CYFIP2: variants seen among roughly 807,000 people sequenced by gnomAD.
CYFIP2 encodes cytoplasmic FMR1 interacting protein 2.
CYFIP2 carries 29 observed loss-of-function variants against 158.7 expected under a neutral mutation model. The observed-to-expected ratio is 0.18, with a 90% CI of 0.14 to 0.25. CYFIP2 has a LOEUF of 0.25. Ranked by LOEUF, CYFIP2 falls within the 10% of genes least tolerant of loss-of-function variation. The pLI is 1.00. For synonymous variants in CYFIP2, 585 were observed against 617.6 expected (o/e 0.95, Z 0.78); for missense variants, 852 against 1,639.5 (o/e 0.52, Z 8.29).
At chr5:157,300,999 C>A in intron 6 of CYFIP2, 103 bp downstream of exon 6, 1 of 1,049,190 alleles carries the variant, frequency 9.5e-7, no homozygotes, top group Non-Finnish European at 1.3e-6. Context: ...CCTGCTTTTT[C>A]TTTGATACCA....
At position 157,336,275 on chromosome 5, in the gene CYFIP2, C is replaced by A. The variant is rs1288274127; in HGVS notation, c.2386-2782C>A. ...CACAGCTGAGCAAACAGAGTCTCAG[C>A]AAGACCCGATGCTGAAGTTGAGAAC... On this transcript the variant is annotated intron_variant, in intron 21 of 30. Coordinates refer to ENST00000620254, the MANE Select transcript of CYFIP2 (RefSeq NM_001037333.3). Among the ~76,000 whole-genome samples the A allele has an allele frequency of 3.9e-5, 6 of 152,316 alleles. No individual in the cohort carries two copies. The South Asian group carries it at 1.2e-3, about 32-fold the overall frequency.
intron 15 of CYFIP2, 108 bp downstream of exon 15, chr5:157,320,910 G>A: frequency 7.3e-7 from 1 of 1,363,460 alleles, no homozygotes; most frequent in Middle Eastern, 2.6e-4. Context: ...CGTCGGTCAG[G>A]AGGGGCAGGG....
rs1033609290 is a variant in CYFIP2, at chr5:157,325,463, C to T, written c.1826-19C>T. The T allele has an allele frequency of 3.2e-6, 5 of 1,582,108 alleles. No homozygotes were observed. In the African/African-American group the frequency reaches 4.1e-5, roughly 13 times the overall value. On this transcript the variant is annotated intron_variant, in intron 16 of 30. Transcript: ENST00000620254. ...TTAGTTCTAAAAGTAACCAAAGGCT[C>T]GTTCCCTTATGCTTTCAGAAGCCCT... is the stretch of plus-strand genomic sequence containing the variant.
chr5:157,281,509 C>G (rs188294990), intron 1 of CYFIP2, among the ~76,000 whole-genome samples: 11 of 152,278 alleles, frequency 7.2e-5, no homozygotes, highest in Non-Finnish European at 1.5e-4. Context: ...ACAGGCTCAT[C>G]TAACAGTAAC....
At chr5:157,384,367 G>C (rs1393218986) in intron 28 of CYFIP2, 2 of 456,552 alleles carry the variant, frequency 4.4e-6, no homozygotes, top group Non-Finnish European at 8.8e-6. Flanking sequence ...GAGAAACAGG[G>C]TATTCTAGTG....
chr5:157,309,812 C>A lies in CYFIP2; in HGVS notation c.970C>A (p.His324Asn). The A allele has an allele frequency of 6.2e-7, 1 of 1,601,898 alleles. No individual in the cohort carries two copies. The highest frequency in any genetic ancestry group is 2.3e-5 in the East Asian group (1 of 44,394). The change falls in exon 10 of 31, where the codon CAC becomes AAC. Residue 324 changes from histidine to asparagine, a missense_variant. His to Asn is a moderately conservative substitution (Grantham distance 68). Coordinates refer to ENST00000620254, the MANE Select transcript of CYFIP2 (RefSeq NM_001037333.3). ...ELARYIKTSAHYEENKSKWTC... is the reference protein window; with the variant it reads ...ELARYIKTSANYEENKSKWTC... ...GGCCAGATACATTAAGACCAGTGCTCACTATGAAGAGAACAAGTCCAAGTG... is the reference window on the plus strand; with the variant it reads ...GGCCAGATACATTAAGACCAGTGCTAACTATGAAGAGAACAAGTCCAAGTG...
At chr5:157,310,259 G>A (rs928908415) in intron 10 of CYFIP2, among the ~76,000 whole-genome samples, 3 of 152,152 alleles carry the variant, frequency 2.0e-5, no homozygotes, top group Admixed American at 6.5e-5. Context: ...CCTCACCTTC[G>A]GCCGCTTTAT....
intron 21 of CYFIP2, among the ~76,000 whole-genome samples, chr5:157,338,201 A>T (rs1303783904): frequency 2.0e-5 from 3 of 152,044 alleles, no homozygotes; most frequent in Admixed American, 2.0e-4. Context: ...GTGTGCAGAT[A>T]CTCTGTCCCA....
At chr5:157,332,609 G>A (rs571598057) in intron 20 of CYFIP2, among the ~76,000 whole-genome samples, 10 of 152,148 alleles carry the variant, frequency 6.6e-5, no homozygotes, top group South Asian at 2.1e-4. Flanking sequence ...GTTTCTTATC[G>A]GTGCATGCAC....
At chr5:157,347,918 C>T (rs1159732843) in intron 23 of CYFIP2, among the ~76,000 whole-genome samples, 2 of 152,204 alleles carry the variant, frequency 1.3e-5, no homozygotes, top group African/African-American at 2.4e-5. Flanking sequence ...GGGTTCATCC[C>T]GCTCCTCTGA....
At chr5:157,330,618 T>C (rs1182444177) in intron 19 of CYFIP2, 124 bp from the exon 20 acceptor site, 4 of 680,536 alleles carry the variant, frequency 5.9e-6, no homozygotes, top group Non-Finnish European at 9.7e-6. Flanking sequence ...GAAAACAATT[T>C]TACTTAAGTT....
At chr5:157,358,811 A>C (rs1269958701) in intron 23 of CYFIP2, among the ~76,000 whole-genome samples, 194 bp from the exon 24 acceptor site, 2 of 152,108 alleles carry the variant, frequency 1.3e-5, no homozygotes, top group East Asian at 3.9e-4. Flanking sequence ...CCATCTGGTG[A>C]CTGTGCGCCA....
chr5:157,284,669 A>G (rs1757237111), intron 1 of CYFIP2, among the ~76,000 whole-genome samples: 1 of 152,228 alleles, frequency 6.6e-6, no homozygotes. Context: ...ATACTATCAA[A>G]GCAGCTGCGC....
At position 157,339,047 on chromosome 5, in the gene CYFIP2, C is replaced by T; in HGVS notation, c.2386-10C>T. 1.2e-6 allele frequency: 2 copies of T among 1,607,022 alleles called. No individual in the cohort carries two copies. Among genetic ancestry groups the T allele is most frequent in the Non-Finnish European group, 1.7e-6 (2 of 1,176,224 alleles). ...AGTCCTCAGCAGTTGTGGGCTCTCT[C>T]TCTGTACAGGAGCTGGAGTGGCTGC... On this transcript the variant is annotated splice_polypyrimidine_tract_variant and intron_variant, in intron 21 of 30. Coordinates refer to ENST00000620254, the MANE Select transcript of CYFIP2 (RefSeq NM_001037333.3).
chr5:157,339,560 C>T (rs1393791218), intron 22 of CYFIP2, among the ~76,000 whole-genome samples: 1 of 152,236 alleles, frequency 6.6e-6, no homozygotes, highest in Admixed American at 6.5e-5. Context: ...TGAGCAGATA[C>T]CTTCCTGCCT....
intron 13 of CYFIP2, 114 bp from the exon 14 acceptor site, chr5:157,319,648 G>T: frequency 1.5e-6 from 2 of 1,312,896 alleles, no homozygotes; most frequent in Non-Finnish European, 2.1e-6. Flanking sequence ...AGTAGCACTG[G>T]CCTCATGCCT....
intron 23 of CYFIP2, among the ~76,000 whole-genome samples, chr5:157,354,580 C>T (rs1220677688): frequency 1.3e-5 from 2 of 150,474 alleles, no homozygotes; most frequent in African/African-American, 2.5e-5. Context: ...AATGAGGGGT[C>T]GGGGGGGATT....
rs151041994 is a variant in CYFIP2 at position 157,355,760 on chromosome 5, G to T, written c.2674-3245G>T. ...TTGAAAAGGGGACAAACGAGAATGT[G>T]CTGAGAGCTTTGCTGGGTTTACAGG... On this transcript the variant is annotated intron_variant, in intron 23 of 30. Transcript: ENST00000620254. Among the ~76,000 whole-genome samples the T allele has an allele frequency of 1.4e-4, 21 of 152,330 alleles. No individual in the cohort carries two copies. The East Asian group carries it at 3.9e-3, about 28-fold the overall frequency.
chr5:157,308,131 G>A (rs1355334659), intron 9 of CYFIP2, among the ~76,000 whole-genome samples: 1 of 151,758 alleles, frequency 6.6e-6, no homozygotes, highest in African/African-American at 2.4e-5. Flanking sequence ...ATTTGGCTAG[G>A]AGGAGGCCCT....
Sources: gnomAD v4.1 joint callset for allele counts (sites outside exome capture counted in the v4.1 genomes callset) on GRCh38, gnomAD v4.1.1 for gene constraint, MANE v1.5 for transcripts, NCBI Gene and HGNC (gene_info 2026-07-23, HGNC 2026-07-21) for gene names.